Variants in PIK3C2G observed in about 807,000 individuals in gnomAD.
PIK3C2G encodes phosphatidylinositol-4-phosphate 3-kinase catalytic subunit type 2 gamma.
PIK3C2G carries 168 observed loss-of-function variants against 181.1 expected under a neutral mutation model. That is an observed-to-expected ratio of 0.93 (90% CI 0.82 to 1.05). The LOEUF is 1.05. Among genes scored for constraint, PIK3C2G ranks in the 50% least tolerant of loss-of-function variants. The pLI, the probability that PIK3C2G is intolerant of heterozygous loss-of-function variation, is 0.00. For missense variants in PIK3C2G, 1,869 were observed against 1,732.8 expected (o/e 1.08, Z -1.40); for synonymous variants, 573 against 592.2 (o/e 0.97, Z 0.47).
chr12:18,486,842 CA>C (rs1940088727), intron 18 of PIK3C2G, among the ~76,000 whole-genome samples: 1 of 152,062 alleles, frequency 6.6e-6, no homozygotes, highest in African/African-American at 2.4e-5. Context: ...CACAATTCTG[CA>C]AAAAACATCT....
intron 1 of PIK3C2G, among the ~76,000 whole-genome samples, chr12:18,272,735 A>G (rs887553588): frequency 6.6e-6 from 1 of 152,152 alleles, no homozygotes; most frequent in African/African-American, 2.4e-5. Flanking sequence ...TCTTTGAGTT[A>G]GCTCACAGGT....
At chr12:18,688,857 T>C in the PIK3C2G span, among the ~76,000 whole-genome samples, 1 of 152,024 alleles carries the variant, frequency 6.6e-6, no homozygotes, top group Non-Finnish European at 1.5e-5. Context: ...ATAGAAGATA[T>C]AAGCCTAAAA....
At chr12:18,664,080 AAAACC>A in the PIK3C2G span, among the ~76,000 whole-genome samples, 6 of 152,218 alleles carry the variant, frequency 3.9e-5, no homozygotes, top group Non-Finnish European at 5.9e-5. Context: ...GCTACTATCA[AAAACC>A]AAACCAGACA....
At chr12:18,300,425 A>G (rs1466707695) in intron 5 of PIK3C2G, among the ~76,000 whole-genome samples, 1 of 151,996 alleles carries the variant, frequency 6.6e-6, no homozygotes, top group Non-Finnish European at 1.5e-5. Context: ...TTTATCTGAT[A>G]TAAGTATAGC....
intron 31 of PIK3C2G, among the ~76,000 whole-genome samples, chr12:18,614,325 A>G (rs1948492156): frequency 1.3e-5 from 2 of 152,144 alleles, no homozygotes; most frequent in African/African-American, 4.8e-5. Context: ...TGCCAAAGAA[A>G]CATTGACCCT....
rs753549215 is a variant in PIK3C2G at position 18,505,456 on chromosome 12, A to G, written c.3318A>G (p.Ile1106Met). 6.8e-6 allele frequency: 11 copies of G among 1,610,972 alleles called. No individual in the cohort carries two copies. The highest frequency in any genetic ancestry group is 7.6e-6 in the Non-Finnish European group (9 of 1,178,144). ...FLGHAQTFGGIKRDRAPFIFT... is the reference protein window; with the variant it reads ...FLGHAQTFGGMKRDRAPFIFT... Reference sequence around the variant, plus strand: ...GTCATGCACAAACATTTGGAGGGATAAAAAGGTCAGTGCACAAATGTTTAT... The same window carrying G: ...GTCATGCACAAACATTTGGAGGGATGAAAAGGTCAGTGCACAAATGTTTAT... Residue 1106 changes from isoleucine (I) to methionine (M), a missense_variant, in exon 24 of 33, where the codon ATA becomes ATG. Physicochemically the swap from Ile to Met is conservative, Grantham distance 10. Coordinates refer to ENST00000538779, the MANE Select transcript of PIK3C2G (RefSeq NM_001288772.2).
chr12:18,518,658 T>C (rs1942714559), intron 24 of PIK3C2G, among the ~76,000 whole-genome samples: 1 of 152,114 alleles, frequency 6.6e-6, no homozygotes, highest in African/African-American at 2.4e-5. Context: ...GCTATCTATT[T>C]TGTTAATTTT....
rs1051733733 is a variant in PIK3C2G at position 18,464,631 on chromosome 12, C to T, written c.2505-23818C>T. On this transcript the variant is annotated intron_variant, in intron 18 of 32. Coordinates refer to ENST00000538779, the MANE Select transcript of PIK3C2G (RefSeq NM_001288772.2). ...ATTCACTTTTTTTGTATGACCTTAT[C>T]ACTAATGTTTACACCCTTACAAAAA... 3.3e-5 allele frequency among the ~76,000 whole-genome samples: 5 copies of T among 152,132 alleles called. No individual in the cohort carries two copies. In the South Asian group the frequency reaches 1.0e-3, roughly 32 times the overall value.
At chr12:18,247,091 A>G (rs1948048213), upstream of PIK3C2G, among the ~76,000 whole-genome samples, 1 of 152,208 alleles carries the variant, frequency 6.6e-6, no homozygotes, top group South Asian at 2.1e-4. Context: ...TTAATATGCC[A>G]GTGTTCATTA....
At chr12:18,291,153 G>T (rs1949677061) in intron 4 of PIK3C2G, 141 bp downstream of exon 4, 1 of 548,588 alleles carries the variant, frequency 1.8e-6, no homozygotes. Context: ...AAAACATCAG[G>T]GATCCATTTG....
At chr12:18,590,629 T>C (rs1371513394) in intron 29 of PIK3C2G, among the ~76,000 whole-genome samples, 1 of 151,892 alleles carries the variant, frequency 6.6e-6, no homozygotes, top group African/African-American at 2.4e-5. Flanking sequence ...CTATAAATCT[T>C]CAGACTATCT....
chr12:18,420,917 G>A (rs1199574027), intron 16 of PIK3C2G, 24 bp from the exon 17 acceptor site: 6 of 1,236,552 alleles, frequency 4.9e-6, no homozygotes, highest in East Asian at 2.3e-5. Context: ...TAACAGCTTA[G>A]TGGATATATT....
chr12:18,707,600 A>G, the PIK3C2G span, among the ~76,000 whole-genome samples: 1 of 152,184 alleles, frequency 6.6e-6, no homozygotes, highest in Non-Finnish European at 1.5e-5. Flanking sequence ...GGTTTTTGGC[A>G]GTATAAGTCC....
At chr12:18,686,876 A>G in the PIK3C2G span, among the ~76,000 whole-genome samples, 8 of 152,102 alleles carry the variant, frequency 5.3e-5, no homozygotes, top group Non-Finnish European at 8.8e-5. Flanking sequence ...ACCAAATTGA[A>G]TTTCTGCAAG....
At chr12:18,699,652 G>A in the PIK3C2G span, 20 of 882,602 alleles carry the variant, frequency 2.3e-5, no homozygotes, top group South Asian at 2.5e-4. Flanking sequence ...CCTGAGGTAT[G>A]TAACCCCATT....
At chr12:18,399,590 C>A (rs1382128633) in intron 15 of PIK3C2G, 69 bp from the exon 16 acceptor site, 1 of 900,804 alleles carries the variant, frequency 1.1e-6, no homozygotes, top group Non-Finnish European at 1.6e-6. Context: ...TTTTCTACTG[C>A]ATATTTATAG....
rs758549425 is a variant in PIK3C2G, at chr12:18,294,455, A to AT, written c.1034+449dup. Among the ~76,000 whole-genome samples the AT allele has an allele frequency of 1.2e-3, 178 of 151,608 alleles. 2 individuals are homozygous for AT. Among genetic ancestry groups the AT allele is most frequent in the African/African-American group, 3.6e-3 (151 of 41,376 alleles). On this transcript the variant is annotated intron_variant, in intron 5 of 32. Coordinates refer to ENST00000538779, the MANE Select transcript of PIK3C2G (RefSeq NM_001288772.2). ...ATACTTGCATGTTGATTAAATACTG[A>AT]TTTTTTTTTAAATCACAGGGGCCTT...
chr12:18,697,825 T>A, the PIK3C2G span, among the ~76,000 whole-genome samples: 22 of 152,088 alleles, frequency 1.4e-4, no homozygotes, highest in South Asian at 2.1e-4. Context: ...TTTCATTATG[T>A]TTATAATAAT....
At chr12:18,282,891 T>G in intron 2 of PIK3C2G, 132 bp downstream of exon 2, 1 of 605,824 alleles carries the variant, frequency 1.7e-6, no homozygotes, top group Non-Finnish European at 2.7e-6. Context: ...TGAAAAAAAT[T>G]TTCACAAATG....
Sources: allele counts gnomAD v4.1 joint callset (sites outside exome capture counted in the v4.1 genomes callset), GRCh38; gene constraint gnomAD v4.1.1; transcripts MANE v1.5; gene names NCBI Gene and HGNC (gene_info 2026-07-23, HGNC 2026-07-21).